Variants in MAPKAPK2 observed in about 807,000 individuals in gnomAD.
MAPKAPK2 encodes MAPK activated protein kinase 2.
A neutral mutation model predicts 48.8 loss-of-function variants in MAPKAPK2; 9 were observed. The observed-to-expected ratio is 0.18, with a 90% CI of 0.11 to 0.32. MAPKAPK2 has a LOEUF of 0.32. Among genes scored for constraint, MAPKAPK2 ranks in the 10% least tolerant of loss-of-function variants. The pLI, the probability that MAPKAPK2 is intolerant of heterozygous loss-of-function variation, is 1.00. For missense variants in MAPKAPK2, 331 were observed against 498.3 expected (o/e 0.66, Z 3.20); for synonymous variants, 202 against 190.6 (o/e 1.06, Z -0.49).
chr1:206,688,647 AT>A (rs1162376035), intron 1 of MAPKAPK2, among the ~76,000 whole-genome samples: 1 of 151,632 alleles, frequency 6.6e-6, no homozygotes, highest in African/African-American at 2.4e-5. Flanking sequence ...TTTTATTTTT[AT>A]TTTTTTTGAG....
intron 1 of MAPKAPK2, among the ~76,000 whole-genome samples, chr1:206,725,638 T>C (rs1295755220): frequency 3.3e-5 from 5 of 152,122 alleles, no homozygotes; most frequent in African/African-American, 1.2e-4. Context: ...AAGAAGAAAT[T>C]GACAAATTTC....
intron 1 of MAPKAPK2, among the ~76,000 whole-genome samples, chr1:206,710,704 TGAAGATA>T (rs1673115990): frequency 6.6e-6 from 1 of 152,204 alleles, no homozygotes; most frequent in South Asian, 2.1e-4. Context: ...AAAGGCACCT[TGAAGATA>T]TTTCACAACA....
intron 1 of MAPKAPK2, among the ~76,000 whole-genome samples, chr1:206,709,523 G>A (rs1673073299): frequency 6.6e-6 from 1 of 152,140 alleles, no homozygotes; most frequent in South Asian, 2.1e-4. Context: ...CCACGTCATG[G>A]CATCAGATCA....
intron 1 of MAPKAPK2, among the ~76,000 whole-genome samples, chr1:206,728,485 C>G (rs1250698219): frequency 6.6e-6 from 1 of 151,982 alleles, no homozygotes; most frequent in Non-Finnish European, 1.5e-5. Context: ...GAGGGCTGAT[C>G]TCAGTGTAGC....
intron 1 of MAPKAPK2, among the ~76,000 whole-genome samples, chr1:206,715,702 A>C (rs919721483): frequency 3.9e-4 from 55 of 142,736 alleles, no homozygotes; most frequent in Non-Finnish European, 6.9e-4. Flanking sequence ...TCATTGGCTC[A>C]CTGCAGCCTT....
Position 206,732,030 on chromosome 1 carries a change from C to T in MAPKAPK2, c.1059+111C>T, listed in dbSNP as rs1302633509. 12 of 1,614,038 alleles carry T rather than the reference C, an allele frequency of 7.4e-6. No homozygotes were observed. The highest frequency in any genetic ancestry group is 1.0e-5 in the Non-Finnish European group (12 of 1,180,036). ...GGGGAGAGCTTGATTCTGCCTCTCT[C>T]ATCCCAGGGGTGTCTTCATGACAAG... On this transcript the variant is annotated intron_variant, in intron 9 of 9. Transcript: ENST00000367103. The surrounding 1 kb of genome is among the most constrained non-coding windows in gnomAD (Gnocchi z 4.4).
At chr1:206,727,342 A>G (rs1673734614) in intron 1 of MAPKAPK2, among the ~76,000 whole-genome samples, 1 of 152,220 alleles carries the variant, frequency 6.6e-6, no homozygotes, top group Non-Finnish European at 1.5e-5. Flanking sequence ...GGAAGGGTAG[A>G]TCAGGATGCT....
At chr1:206,729,580 G>A in intron 4 of MAPKAPK2, 105 bp downstream of exon 4, 1 of 982,030 alleles carries the variant, frequency 1.0e-6, no homozygotes, top group Non-Finnish European at 1.6e-6. Flanking sequence ...CTTGCTGCCT[G>A]GTTCCTGAGC....
chr1:206,691,504 T>TATATATATATATATATATATATATACAC (rs1424297313), intron 1 of MAPKAPK2, among the ~76,000 whole-genome samples: 126 of 112,098 alleles, frequency 1.1e-3, no homozygotes, highest in Non-Finnish European at 2.1e-3. Flanking sequence ...TATATATATA[T>TATATATATATATATATATATATATACAC]ACACACATAC....
chr1:206,706,802 T>C (rs1271814964), intron 1 of MAPKAPK2, among the ~76,000 whole-genome samples: 3 of 152,196 alleles, frequency 2.0e-5, no homozygotes, highest in Admixed American at 6.5e-5. Flanking sequence ...ATGTGCTCTT[T>C]CTAGGTCCTG....
chr1:206,699,735 G>C (rs2102384249), intron 1 of MAPKAPK2, among the ~76,000 whole-genome samples: 1 of 152,302 alleles, frequency 6.6e-6, no homozygotes, highest in South Asian at 2.1e-4. Context: ...GGAGTGGGCA[G>C]ACTGCATGCA....
intron 1 of MAPKAPK2, among the ~76,000 whole-genome samples, chr1:206,705,124 G>T (rs1672913272): frequency 1.3e-5 from 2 of 152,200 alleles, no homozygotes; most frequent in African/African-American, 4.8e-5. Flanking sequence ...CCCCTTCTCT[G>T]GGAGAACTGT....
intron 1 of MAPKAPK2, among the ~76,000 whole-genome samples, chr1:206,708,808 T>C (rs533710397): frequency 1.1e-3 from 170 of 152,318 alleles, no homozygotes; most frequent in African/African-American, 3.9e-3. Flanking sequence ...TGATCACAGT[T>C]CTGATGTTTT....
At chr1:206,714,757 T>G in intron 1 of MAPKAPK2, among the ~76,000 whole-genome samples, 1 of 99,804 alleles carries the variant, frequency 1.0e-5, no homozygotes. Flanking sequence ...AGAGTGAAAC[T>G]CGGTCACAAA....
intron 1 of MAPKAPK2, among the ~76,000 whole-genome samples, chr1:206,722,804 C>T (rs1339729121): frequency 1.3e-5 from 2 of 152,224 alleles, no homozygotes; most frequent in Non-Finnish European, 2.9e-5. Flanking sequence ...CAGCAGCTGC[C>T]CTCCCGAGTC....
At position 206,732,058 on chromosome 1, in the gene MAPKAPK2, C is replaced by T. The variant is rs147497555; in HGVS notation, c.1059+139C>T. The T allele has an allele frequency of 2.5e-6, 4 of 1,614,046 alleles. No homozygotes were observed. The African/African-American group carries it at 5.3e-5, about 22-fold the overall frequency. ...CCCAGGGGTGTCTTCATGACAAGAA[C>T]AGCGACCAGGCCACTTGGCTGACCA... On this transcript the variant is annotated intron_variant, in intron 9 of 9. Transcript: ENST00000367103. This position sits in a 1 kb window ranked among gnomAD's most constrained non-coding sequence, Gnocchi z 4.4.
At chr1:206,727,814 G>A (rs1293267505) in intron 1 of MAPKAPK2, among the ~76,000 whole-genome samples, 11 of 152,084 alleles carry the variant, frequency 7.2e-5, no homozygotes, top group East Asian at 3.8e-4. Flanking sequence ...TAGTAGGGAC[G>A]GGGTTTCACC....
intron 1 of MAPKAPK2, among the ~76,000 whole-genome samples, chr1:206,691,205 A>G (rs1008654635): frequency 8.5e-5 from 13 of 152,162 alleles, no homozygotes; most frequent in Non-Finnish European, 1.8e-4. Flanking sequence ...CATCCGAGCC[A>G]CATCTTGAGA....
intron 1 of MAPKAPK2, among the ~76,000 whole-genome samples, chr1:206,722,291 C>T (rs12728594): frequency 0.14 from 20,931 of 151,670 alleles, 1,542 homozygotes; most frequent in Middle Eastern, 0.18. Context: ...ACCCGGGAAG[C>T]GGAGCTTGCA....
Sources: gnomAD v4.1 joint callset for allele counts (sites outside exome capture counted in the v4.1 genomes callset) on GRCh38, gnomAD v4.1.1 for gene constraint, Gnocchi (gnomAD v3.1) non-coding constraint, MANE v1.5 for transcripts, NCBI Gene and HGNC (gene_info 2026-07-23, HGNC 2026-07-21) for gene names.